The following RERE variants were observed in gnomAD, a reference collection of about 807,000 sequenced individuals.
The protein encoded by RERE is arginine-glutamic acid dipeptide repeats protein.
Under a neutral mutation model 146.1 loss-of-function variants are expected in RERE, and 40 were observed. The observed-to-expected ratio is 0.27, with a 90% CI of 0.21 to 0.36. RERE has a LOEUF of 0.36. RERE is among the 10% of genes least tolerant of loss of function. The probability of loss-of-function intolerance (pLI) is 1.00; values close to 1 mark genes in which losing one functional copy is unlikely to be tolerated. For missense variants in RERE, 1,933 were observed against 2,138.7 expected, an observed-to-expected ratio of 0.90 and a Z score of 1.90; for synonymous variants, 1,003 against 866.0, an observed-to-expected ratio of 1.16 and a Z score of -2.78.
intron 1 of RERE, chr1:8,786,819 G>T (rs1641267925): frequency 1.1e-6 from 1 of 886,034 alleles, no homozygotes; most frequent in Non-Finnish European, 1.9e-6. Context: ...TTCAAAGCAT[G>T]TTTTGGGCAA....
At chr1:8,606,947 A>C (rs1187572004) in intron 4 of RERE, among the ~76,000 whole-genome samples, 1 of 152,150 alleles carries the variant, frequency 6.6e-6, no homozygotes, top group African/African-American at 2.4e-5. Flanking sequence ...ATTTATATAG[A>C]CTCTAAAAAA....
At chr1:8,374,910 T>A (rs906552746) in intron 12 of RERE, among the ~76,000 whole-genome samples, 1 of 152,162 alleles carries the variant, frequency 6.6e-6, no homozygotes, top group African/African-American at 2.4e-5. Flanking sequence ...CCTGTAGTCC[T>A]CCTCATCACT....
chr1:8,803,460 C>T (rs1408524581), intron 1 of RERE, among the ~76,000 whole-genome samples: 1 of 151,876 alleles, frequency 6.6e-6, no homozygotes, highest in Non-Finnish European at 1.5e-5. Flanking sequence ...CAGAGTGAGA[C>T]TCTGTCTCAA....
At position 8,356,320 on chromosome 1, in the gene RERE, C is replaced by A; in HGVS notation, c.4340-74G>T. On this transcript the variant is annotated intron_variant, in intron 20 of 22. Coordinates refer to ENST00000400908, the MANE Select transcript of RERE (RefSeq NM_001042681.2). This position sits in a 1 kb window ranked among gnomAD's most constrained non-coding sequence, Gnocchi z 5.2. ...TGTTTGTCCCCCTTGGCTGGAATGA[C>A]CGATGACTTCCTCCTCACCCAGGAT... 7.2e-7 allele frequency: 1 copy of A among 1,386,908 alleles called. No homozygotes were observed. The highest frequency in any genetic ancestry group is 9.4e-7 in the Non-Finnish European group (1 of 1,067,478). The allele number at this position is 1,386,908 out of a possible 1,614,324, so 85.9% of individuals were successfully genotyped here.
intron 12 of RERE, among the ~76,000 whole-genome samples, chr1:8,386,809 T>C (rs1642694670): frequency 6.6e-6 from 1 of 152,068 alleles, no homozygotes; most frequent in Non-Finnish European, 1.5e-5. Flanking sequence ...CTACTATATA[T>C]TCTCTCAGGG....
rs566483485 is a variant in RERE at position 8,586,247 on chromosome 1, A to C, written c.522+28314T>G. ...CATATCATATGCATAACTAAACTAT[A>C]GTGTACAGACATCTACACCTGGGTG... is the stretch of plus-strand genomic sequence containing the variant. On this transcript the variant is annotated intron_variant, in intron 4 of 22. Transcript: ENST00000400908. Among the ~76,000 whole-genome samples the C allele has an allele frequency of 2.0e-5, 3 of 151,870 alleles. No individual in the cohort carries two copies. The South Asian group carries it at 6.3e-4, about 32-fold the overall frequency.
At chr1:8,625,326 G>T (rs1398980021) in intron 2 of RERE, among the ~76,000 whole-genome samples, 1 of 152,108 alleles carries the variant, frequency 6.6e-6, no homozygotes, top group Non-Finnish European at 1.5e-5. Context: ...GGAAAGCAGT[G>T]GCTATAGAGA....
At chr1:8,374,864 G>T (rs1167257104) in intron 12 of RERE, among the ~76,000 whole-genome samples, 1 of 152,084 alleles carries the variant, frequency 6.6e-6, no homozygotes, top group Non-Finnish European at 1.5e-5. Flanking sequence ...GAGCCCCTGA[G>T]CCCCATACCA....
chr1:8,504,785 G>A (rs1002319062), intron 8 of RERE, among the ~76,000 whole-genome samples: 2 of 152,050 alleles, frequency 1.3e-5, no homozygotes, highest in East Asian at 3.9e-4. Context: ...CCCGGGAGGC[G>A]GAGGTTGCAG....
intron 12 of RERE, among the ~76,000 whole-genome samples, chr1:8,407,587 C>T (rs1643485171): frequency 6.6e-6 from 1 of 152,000 alleles, no homozygotes; most frequent in Non-Finnish European, 1.5e-5. Flanking sequence ...TCATCCCCAC[C>T]CCATGACCTG....
chr1:8,770,914 C>A (rs1482059382), intron 1 of RERE, among the ~76,000 whole-genome samples: 1 of 152,124 alleles, frequency 6.6e-6, no homozygotes, highest in Admixed American at 6.6e-5. Flanking sequence ...CAAATTATAA[C>A]ACTAACATGT....
intron 10 of RERE, among the ~76,000 whole-genome samples, chr1:8,485,587 C>T (rs1438152058): frequency 2.6e-5 from 4 of 151,918 alleles, no homozygotes; most frequent in Admixed American, 6.6e-5. Flanking sequence ...CATAAGAAAA[C>T]TAGAGTGGCT....
chr1:8,402,669 G>A (rs777492550), intron 12 of RERE, among the ~76,000 whole-genome samples: 2 of 152,170 alleles, frequency 1.3e-5, no homozygotes, highest in Non-Finnish European at 2.9e-5. Context: ...TTTGCTTGGT[G>A]AAGGGAGAGA....
At chr1:8,614,714 C>T (rs761333443) in intron 3 of RERE, 28 bp from the exon 4 acceptor site, 42 of 1,590,704 alleles carry the variant, frequency 2.6e-5, no homozygotes, top group African/African-American at 9.4e-5. Flanking sequence ...TTTAAGTTAA[C>T]GTGCCCAACG....
intron 10 of RERE, among the ~76,000 whole-genome samples, chr1:8,487,748 G>A (rs549743315): frequency 6.6e-6 from 1 of 152,146 alleles, no homozygotes; most frequent in African/African-American, 2.4e-5. Context: ...TAAAGGAAGA[G>A]GTAAAACTAT....
chr1:8,783,780 A>G (rs1225526632), intron 1 of RERE, among the ~76,000 whole-genome samples: 2 of 152,166 alleles, frequency 1.3e-5, no homozygotes, highest in East Asian at 1.9e-4. Context: ...GCACCTTTAC[A>G]TTCCCCCAGC....
chr1:8,614,296 C>A (rs572915050), intron 4 of RERE, among the ~76,000 whole-genome samples: 213 of 152,226 alleles, frequency 1.4e-3, no homozygotes, highest in African/African-American at 4.8e-3. Context: ...TGATTGCCAG[C>A]TCCTGCTCCT....
At position 8,788,160 on chromosome 1, in the gene RERE, G is replaced by A. The variant is rs887842501; in HGVS notation, c.-145+29000C>T. Among the ~76,000 whole-genome samples the A allele has an allele frequency of 5.9e-5, 9 of 151,976 alleles. 1 individual carries two copies. The Middle Eastern group carries it at 0.01, about 172-fold the overall frequency. ...CAAGAAGTTTATGGTTGTAGTACTAGATAGAGTACAAAAAAGAAAAATGGA... is the reference window on the plus strand; with the variant it reads ...CAAGAAGTTTATGGTTGTAGTACTAAATAGAGTACAAAAAAGAAAAATGGA... On this transcript the variant is annotated intron_variant, in intron 1 of 22. Coordinates refer to ENST00000400908, the MANE Select transcript of RERE (RefSeq NM_001042681.2).
intron 2 of RERE, among the ~76,000 whole-genome samples, chr1:8,637,454 TA>T (rs1647116091): frequency 6.6e-6 from 1 of 152,186 alleles, no homozygotes; most frequent in Non-Finnish European, 1.5e-5. Flanking sequence ...CACAAAAATA[TA>T]GGGACTACCG....
Sources: gnomAD v4.1 joint callset for allele counts (sites outside exome capture counted in the v4.1 genomes callset) on GRCh38, gnomAD v4.1.1 for gene constraint, Gnocchi (gnomAD v3.1) non-coding constraint, MANE v1.5 for transcripts, NCBI Gene and HGNC (gene_info 2026-07-23, HGNC 2026-07-21) for gene names.